The following PI4KB variants were observed in gnomAD, a reference collection of about 807,000 sequenced individuals.
The protein encoded by PI4KB is PtdIns 4-kinase beta.
A neutral mutation model predicts 81.4 loss-of-function variants in PI4KB; 23 were observed. The ratio of observed to expected loss-of-function variants is 0.28; its 90% CI spans 0.20 to 0.40. The LOEUF (loss-of-function observed/expected upper bound fraction) is 0.40. PI4KB is among the 10% of genes least tolerant of loss of function. PI4KB has a pLI of 1.00. For missense variants in PI4KB, 651 were observed against 1,036.6 expected (o/e 0.63, Z 5.11); for synonymous variants, 381 against 406.8 (o/e 0.94, Z 0.76).
upstream of PI4KB, chr1:151,327,526 T>TA: frequency 2.5e-6 from 1 of 392,530 alleles, no homozygotes; most frequent in East Asian, 3.6e-5. Context: ...AAAAAAATAA[T>TA]AAAATAAAAT....
intron 4 of PI4KB, 63 bp from the exon 5 acceptor site, chr1:151,306,426 C>A (rs1291977650): frequency 1.9e-6 from 2 of 1,061,116 alleles, no homozygotes; most frequent in Non-Finnish European, 2.9e-6. Flanking sequence ...AATCTCAACT[C>A]TGTTAGCAAG....
chr1:151,297,647 C>T (rs1205715977), intron 9 of PI4KB, among the ~76,000 whole-genome samples: 1 of 151,810 alleles, frequency 6.6e-6, no homozygotes, highest in African/African-American at 2.4e-5. Flanking sequence ...AAGTGATTCT[C>T]CTGCTCAGCC....
intron 6 of PI4KB, 72 bp downstream of exon 6, chr1:151,303,469 G>C (rs1395730719): frequency 2.2e-6 from 2 of 905,038 alleles, no homozygotes; most frequent in African/African-American, 3.3e-5. Context: ...GAGATGGAGA[G>C]GAAGGTAACA....
intron 4 of PI4KB, among the ~76,000 whole-genome samples, chr1:151,306,877 C>T (rs587721122): frequency 2.0e-5 from 3 of 152,294 alleles, no homozygotes; most frequent in Non-Finnish European, 2.9e-5. Context: ...GAGTTCAAGA[C>T]CAGCCTGGCC....
chr1:151,322,293 A>G (rs1648963643), intron 1 of PI4KB, among the ~76,000 whole-genome samples: 1 of 152,210 alleles, frequency 6.6e-6, no homozygotes, highest in Admixed American at 6.5e-5. Context: ...GCAGCTGGAG[A>G]AGACACAGAA....
At chr1:151,298,209 A>G (rs200428965) in intron 9 of PI4KB, among the ~76,000 whole-genome samples, 1 of 152,300 alleles carries the variant, frequency 6.6e-6, no homozygotes, top group East Asian at 1.9e-4. Flanking sequence ...CTTCATCTCC[A>G]TCATGTTTCT....
At position 151,310,243 on chromosome 1, in the gene PI4KB, T is replaced by C; in HGVS notation, c.922A>G (p.Ser308Gly). Reference protein sequence around the residue: ...VENEDEELSSSTESIDNSFSS... With the variant: ...VENEDEELSSGTESIDNSFSS... ...AATGAATTATCAATACTCTCGGTGC[T>C]GGAGGAGAGCTCCTGGGAAAGGGCC... Residue 308 changes from serine to glycine, a missense_variant, in exon 3 of 12, where the codon AGC becomes GGC. Transcript: ENST00000368873. The C allele has an allele frequency of 6.5e-7, 1 of 1,537,342 alleles. No individual in the cohort carries two copies. The highest frequency in any genetic ancestry group is 8.8e-7 in the Non-Finnish European group (1 of 1,141,554).
intron 8 of PI4KB, among the ~76,000 whole-genome samples, chr1:151,299,754 T>C (rs1165002937): frequency 6.6e-6 from 1 of 152,106 alleles, no homozygotes; most frequent in Non-Finnish European, 1.5e-5. Context: ...AATGAAAATA[T>C]TTATATGGTA....
chr1:151,293,156 A>T, intron 11 of PI4KB, 123 bp from the exon 12 acceptor site: 1 of 1,507,578 alleles, frequency 6.6e-7, no homozygotes, highest in East Asian at 2.3e-5. Context: ...GTCCTTGATG[A>T]TGTGGGTGCA....
In PI4KB at chr1:151,307,767, T is replaced by C; in HGVS notation, c.989A>G (p.Lys330Arg). 6.2e-7 allele frequency: 1 copy of C among 1,614,092 alleles called. No homozygotes were observed. Among genetic ancestry groups the C allele is most frequent in the Non-Finnish European group, 8.5e-7 (1 of 1,179,968 alleles). ...VRLAPEREFIKSLMAIGKRLA... is the reference protein window; with the variant it reads ...VRLAPEREFIRSLMAIGKRLA... ...CCGCTTGCCGATCGCCATCAGGGAC[T>C]TGATGAATTCTCTCTCAGGAGCCAG... Residue 330 changes from lysine (K) to arginine (R), a missense_variant, in exon 4 of 12, where the codon AAG (lysine) becomes AGG (arginine). Coordinates refer to ENST00000368873, the MANE Select transcript of PI4KB (RefSeq NM_001369623.2).
chr1:151,324,821 A>G (rs769700372), intron 1 of PI4KB: 156 of 985,068 alleles, frequency 1.6e-4, no homozygotes, highest in Non-Finnish European at 4.5e-5. Flanking sequence ...CATGCCAATT[A>G]TTGAAGGGTT....
At chr1:151,319,949 C>G (rs546691415) in intron 1 of PI4KB, among the ~76,000 whole-genome samples, 1 of 152,212 alleles carries the variant, frequency 6.6e-6, no homozygotes, top group African/African-American at 2.4e-5. Context: ...ATAAGGAGGC[C>G]TAGAGATTCT....
chr1:151,299,216 T>A (rs909936366), intron 8 of PI4KB, 143 bp from the exon 9 acceptor site: 39 of 739,482 alleles, frequency 5.3e-5, no homozygotes, highest in Non-Finnish European at 2.2e-6. Context: ...CTTAACCCAG[T>A]GAGGACCAGG....
At chr1:151,307,428 C>T (rs1695863317) in intron 4 of PI4KB, 146 bp downstream of exon 4, 1 of 620,872 alleles carries the variant, frequency 1.6e-6, no homozygotes, top group Non-Finnish European at 2.9e-6. Context: ...CGCACTGAGA[C>T]AGAGTCATGG....
chr1:151,309,045 A>T (rs1299453602), intron 3 of PI4KB, among the ~76,000 whole-genome samples: 6 of 152,210 alleles, frequency 3.9e-5, no homozygotes, highest in African/African-American at 1.4e-4. Context: ...TAGGGACTGA[A>T]AGAGGGTGTC....
At chr1:151,304,151 ACCCCAAGG>A (rs959394909) in intron 5 of PI4KB, among the ~76,000 whole-genome samples, 1 of 152,014 alleles carries the variant, frequency 6.6e-6, no homozygotes, top group Non-Finnish European at 1.5e-5. Flanking sequence ...ATTCTACCAG[ACCCCAAGG>A]CCCATGTCAA....
At chr1:151,302,070 A>G in intron 7 of PI4KB, 103 bp from the exon 8 acceptor site, 2 of 1,587,834 alleles carry the variant, frequency 1.3e-6, no homozygotes, top group Non-Finnish European at 1.7e-6. Context: ...TAGGGCAAGG[A>G]CCCAGACAGC....
chr1:151,296,233 C>T (rs1335350737), intron 9 of PI4KB, among the ~76,000 whole-genome samples: 2 of 152,072 alleles, frequency 1.3e-5, no homozygotes, highest in Non-Finnish European at 2.9e-5. Context: ...GACAACAGAG[C>T]AAGACTCTGT....
intron 5 of PI4KB, 33 bp from the exon 6 acceptor site, chr1:151,303,683 A>G (rs764154691): frequency 1.8e-5 from 25 of 1,364,490 alleles, no homozygotes; most frequent in South Asian, 3.5e-5. Context: ...CAGAAGTGCT[A>G]AAGTATAGGT....
Sources: gnomAD v4.1 joint callset for allele counts (sites outside exome capture counted in the v4.1 genomes callset) on GRCh38, gnomAD v4.1.1 for gene constraint, MANE v1.5 for transcripts, NCBI Gene and HGNC (gene_info 2026-07-23, HGNC 2026-07-21) for gene names.